SCTR: variants seen among roughly 807,000 people sequenced by gnomAD.
SCTR encodes secretin receptor.
In SCTR, 56 loss-of-function variants were observed where a neutral mutation model predicts 60.8. That is an observed-to-expected ratio of 0.92 (90% CI 0.74 to 1.15). The LOEUF (loss-of-function observed/expected upper bound fraction) is 1.15, where lower values mean the gene tolerates loss of function less well. Ranked by LOEUF, SCTR falls within the 50% of genes most tolerant of loss-of-function variation. SCTR has a pLI of 0.00. For missense variants in SCTR, 562 were observed against 550.4 expected (o/e 1.02, Z -0.21); for synonymous variants, 202 against 217.0 (o/e 0.93, Z 0.61).
intron 7 of SCTR, among the ~76,000 whole-genome samples, chr2:119,461,450 G>A (rs545831419): frequency 6.6e-6 from 1 of 152,188 alleles, no homozygotes; most frequent in Non-Finnish European, 1.5e-5. Flanking sequence ...GGTGGCTCAC[G>A]CCTGTAATCC....
At chr2:119,446,385 A>G (rs1485854919) in intron 11 of SCTR, among the ~76,000 whole-genome samples, 1 of 151,568 alleles carries the variant, frequency 6.6e-6, no homozygotes, top group Non-Finnish European at 1.5e-5. Context: ...TCTTCCAAAC[A>G]CCCGCCCCAC....
chr2:119,462,468 G>A (rs1031461464), intron 6 of SCTR, among the ~76,000 whole-genome samples: 2 of 152,244 alleles, frequency 1.3e-5, no homozygotes, highest in Admixed American at 6.5e-5. Context: ...TCTGTTAGGA[G>A]GTACCACTGA....
In SCTR at chr2:119,519,832, A is replaced by G. The variant is rs1465089049; in HGVS notation, c.72+4323T>C. Reference sequence around the variant, plus strand: ...TCTCAAAAAAAAAAAAAAAAAGAAAAAAAGAAAAGAAAAACAAAGAAAAAA... The same window carrying G: ...TCTCAAAAAAAAAAAAAAAAAGAAAGAAAGAAAAGAAAAACAAAGAAAAAA... On this transcript the variant is annotated intron_variant, in intron 1 of 12. Coordinates refer to ENST00000019103, the MANE Select transcript of SCTR (RefSeq NM_002980.3). 3.3e-3 allele frequency among the ~76,000 whole-genome samples: 465 copies of G among 140,318 alleles called. 6 individuals carry two copies. The highest frequency in any genetic ancestry group is 7.4e-3 in the Middle Eastern group (2 of 272). The allele number at this position is 140,318 out of a possible 152,430, so 92.1% of individuals were successfully genotyped here. A position where few individuals can be genotyped will look rare whatever the true frequency, so the allele number is the denominator to read the frequency against.
chr2:119,441,569 G>A lies in SCTR; in HGVS notation c.1171C>T (p.Leu391Phe). The A allele has an allele frequency of 6.2e-7, 1 of 1,613,028 alleles. No homozygotes were observed. Among genetic ancestry groups the A allele is most frequent in the African/African-American group, 1.3e-5 (1 of 75,036 alleles). The change falls in exon 12 of 13, where the codon CTC (leucine) becomes TTC (phenylalanine). Residue 391 changes from leucine to phenylalanine, a missense_variant. Leu to Phe is a conservative substitution (Grantham distance 22, BLOSUM62 0). Coordinates refer to ENST00000019103, the MANE Select transcript of SCTR (RefSeq NM_002980.3). Reference protein sequence around the residue: ...GLVVAVLYCFLNGEVQLEVQK... With the variant: ...GLVVAVLYCFFNGEVQLEVQK... The stretch of plus-strand genomic sequence containing the variant: ...CCAAGACTACTCACCTCCCCATTGA[G>A]GAAGCAGTAGAGGACGGCCACCACC...
intron 1 of SCTR, among the ~76,000 whole-genome samples, chr2:119,515,728 T>C (rs944669506): frequency 6.6e-6 from 1 of 152,182 alleles, no homozygotes. Flanking sequence ...TCCACCATCA[T>C]CTTCCCTGAT....
At chr2:119,473,428 G>C (rs41279772) in intron 4 of SCTR, 25 bp downstream of exon 4, 3 of 1,535,140 alleles carry the variant, frequency 2.0e-6, no homozygotes, top group African/African-American at 1.4e-5. Context: ...CCCCGGGTTC[G>C]TGGGGTGGAG....
intron 3 of SCTR, among the ~76,000 whole-genome samples, chr2:119,477,217 A>G (rs1558860068): frequency 2.6e-5 from 4 of 152,166 alleles, no homozygotes; most frequent in African/African-American, 7.2e-5. Context: ...AGATGTTGCC[A>G]TGTGACTGAG....
intron 2 of SCTR, among the ~76,000 whole-genome samples, chr2:119,483,647 AC>A (rs1677734007): frequency 6.6e-6 from 1 of 152,164 alleles, no homozygotes; most frequent in Non-Finnish European, 1.5e-5. Context: ...TCATAGTTGC[AC>A]TTTTTTAAAG....
chr2:119,448,258 C>A (rs1683007370), intron 10 of SCTR, among the ~76,000 whole-genome samples: 1 of 152,180 alleles, frequency 6.6e-6, no homozygotes, highest in Non-Finnish European at 1.5e-5. Flanking sequence ...TATGGAAGCC[C>A]TAGAAAACGA....
At chr2:119,495,324 C>A (rs183471794) in intron 1 of SCTR, 1 of 152,344 alleles carries the variant, frequency 6.6e-6, no homozygotes, top group African/African-American at 2.4e-5. Flanking sequence ...CACAGAAGAG[C>A]GCATAATCAC....
chr2:119,523,436 AT>A (rs1679352835), intron 1 of SCTR, among the ~76,000 whole-genome samples: 1 of 141,012 alleles, frequency 7.1e-6, no homozygotes, highest in Non-Finnish European at 1.5e-5. Context: ...TATTATTATT[AT>A]TATTTTCCTC....
intron 1 of SCTR, 27 bp downstream of exon 1, chr2:119,524,128 C>CA (rs1282807141): frequency 6.5e-7 from 1 of 1,537,774 alleles, no homozygotes; most frequent in Non-Finnish European, 8.8e-7. Flanking sequence ...CTCGGGTCCC[C>CA]AGCCTGCAGA....
chr2:119,456,656 A>T (rs749572551), intron 7 of SCTR, among the ~76,000 whole-genome samples: 2 of 152,198 alleles, frequency 1.3e-5, no homozygotes, highest in African/African-American at 4.8e-5. Context: ...CAAGTATACC[A>T]GGTTGAATAG....
intron 7 of SCTR, among the ~76,000 whole-genome samples, chr2:119,458,917 A>G (rs1394845498): frequency 6.6e-6 from 1 of 151,994 alleles, no homozygotes; most frequent in Non-Finnish European, 1.5e-5. Flanking sequence ...CCAGCCGCTC[A>G]CTCTCACTCG....
chr2:119,522,061 G>A (rs1370752846), intron 1 of SCTR, among the ~76,000 whole-genome samples: 2 of 152,192 alleles, frequency 1.3e-5, no homozygotes, highest in African/African-American at 2.4e-5. Context: ...TTGGGAGGCC[G>A]AGGCAGGCAG....
Position 119,508,478 on chromosome 2 carries a change from C to A in SCTR, c.73-13930G>T, listed in dbSNP as rs138213187. Among the ~76,000 whole-genome samples the A allele has an allele frequency of 8.7e-3, 1,285 of 147,738 alleles. 21 individuals are homozygous for A. Among genetic ancestry groups the A allele is most frequent in the African/African-American group, 0.031 (1,235 of 40,016 alleles). ...CATAGCTCACTGCAGCCTCGACCTC[C>A]CAGGCTCAAGCCATCCTCCCATCTC... On this transcript the variant is annotated intron_variant, in intron 1 of 12. Coordinates refer to ENST00000019103, the MANE Select transcript of SCTR (RefSeq NM_002980.3).
chr2:119,482,210 G>A (rs72834810), intron 2 of SCTR, among the ~76,000 whole-genome samples: 3,313 of 152,252 alleles, frequency 0.022, 56 homozygotes, highest in South Asian at 0.054. Context: ...GGTAGGGAAC[G>A]GTAGGGTGGG....
intron 1 of SCTR, among the ~76,000 whole-genome samples, chr2:119,514,585 C>T (rs974951031): frequency 1.3e-5 from 2 of 152,028 alleles, no homozygotes; most frequent in African/African-American, 4.8e-5. Flanking sequence ...CTTTTAAATT[C>T]TGAATAAAGG....
At chr2:119,519,818 A>G (rs1359239194) in intron 1 of SCTR, among the ~76,000 whole-genome samples, 1 of 124,188 alleles carries the variant, frequency 8.1e-6, no homozygotes, top group Non-Finnish European at 1.8e-5. Context: ...CTCAAAAAAA[A>G]AAAAAAAAAG....
Sources: gnomAD v4.1 joint callset for allele counts (sites outside exome capture counted in the v4.1 genomes callset) on GRCh38, gnomAD v4.1.1 for gene constraint, MANE v1.5 for transcripts, NCBI Gene and HGNC (gene_info 2026-07-23, HGNC 2026-07-21) for gene names.